The following PCDH15 variants were observed in gnomAD, a reference collection of about 807,000 sequenced individuals.
The protein encoded by PCDH15 is protocadherin-15.
Under a neutral mutation model 178.5 loss-of-function variants are expected in PCDH15, and 129 were observed. The ratio of observed to expected loss-of-function variants is 0.72; its 90% CI spans 0.63 to 0.84. PCDH15 has a LOEUF of 0.84. PCDH15 is among the 40% of genes least tolerant of loss of function. The probability of loss-of-function intolerance (pLI) is 0.00; values close to 1 mark genes in which losing one functional copy is unlikely to be tolerated. For missense variants in PCDH15, 2,230 were observed against 2,099.9 expected (o/e 1.06, Z -1.21); for synonymous variants, 800 against 732.0 (o/e 1.09, Z -1.50).
intron 14 of PCDH15, among the ~76,000 whole-genome samples, chr10:54,150,774 ATT>A (rs1303980605): frequency 6.6e-6 from 1 of 150,494 alleles, no homozygotes; most frequent in Non-Finnish European, 1.5e-5. Context: ...TTGTGTTTTT[ATT>A]TGTTTCTTTT....
rs149942501 is a variant in PCDH15 at position 54,182,187 on chromosome 10, G to A, written c.1590+1257C>T. On this transcript the variant is annotated intron_variant, in intron 13 of 37. Coordinates refer to ENST00000644397, the MANE Select transcript of PCDH15 (RefSeq NM_001384140.1). ...TCACCATATTGCCCAGGCTGGTCTCGAGCTCCTTAGCTCAGGCAATCCGCT... is the reference window on the plus strand; with the variant it reads ...TCACCATATTGCCCAGGCTGGTCTCAAGCTCCTTAGCTCAGGCAATCCGCT... Among the ~76,000 whole-genome samples the A allele has an allele frequency of 1.4e-3, 208 of 152,160 alleles. 5 individuals carry two copies. In the East Asian group the frequency reaches 0.027, roughly 20 times the overall value.
chr10:55,198,192 A>C (rs189515125), intron 1 of PCDH15, among the ~76,000 whole-genome samples: 1 of 152,252 alleles, frequency 6.6e-6, no homozygotes, highest in Non-Finnish European at 1.5e-5. Context: ...TTGCTCTTCA[A>C]TAAACCACTA....
At chr10:54,088,091 T>C (rs2094543490) in intron 16 of PCDH15, among the ~76,000 whole-genome samples, 1 of 152,140 alleles carries the variant, frequency 6.6e-6, no homozygotes. Flanking sequence ...CTCTTTTCAT[T>C]ACAAAATACT....
intron 10 of PCDH15, among the ~76,000 whole-genome samples, chr10:54,207,364 T>TTGTGTG (rs746250247): frequency 2.3e-4 from 20 of 87,588 alleles, no homozygotes; most frequent in African/African-American, 4.5e-4. Context: ...CTGTTTTGTT[T>TTGTGTG]TGTGTGTGTG....
chr10:55,490,851 T>C lies in PCDH15; in HGVS notation c.-156+136774A>G, dbSNP rs141398804. On this transcript the variant is annotated intron_variant, in intron 2 of 5. Coordinates refer to the PCDH15 transcript ENST00000613346. ...AAAATCACGTTAAAGCATGTCATAATGAAGTTGTTATAAGCCAGATAAAAA... is the reference window on the plus strand; with the variant it reads ...AAAATCACGTTAAAGCATGTCATAACGAAGTTGTTATAAGCCAGATAAAAA... 1.2e-3 allele frequency among the ~76,000 whole-genome samples: 185 copies of C among 151,884 alleles called. 2 individuals carry two copies. Among genetic ancestry groups the C allele is most frequent in the African/African-American group, 4.2e-3 (175 of 41,500 alleles).
At chr10:55,186,691 T>A (rs1462289883) in intron 1 of PCDH15, among the ~76,000 whole-genome samples, 2 of 151,808 alleles carry the variant, frequency 1.3e-5, no homozygotes, top group African/African-American at 4.8e-5. Context: ...TGCACAACCA[T>A]GTACATTTAC....
At chr10:54,957,360 G>A (rs1163458216) in intron 2 of PCDH15, among the ~76,000 whole-genome samples, 1 of 151,562 alleles carries the variant, frequency 6.6e-6, no homozygotes, top group Non-Finnish European at 1.5e-5. Context: ...CAGTTTATTT[G>A]AGATTTGGAG....
intron 2 of PCDH15, among the ~76,000 whole-genome samples, chr10:55,326,960 A>G (rs1196240270): frequency 6.6e-6 from 1 of 152,136 alleles, no homozygotes; most frequent in East Asian, 1.9e-4. Flanking sequence ...CTAGACATAG[A>G]CCTTACATAG....
At chr10:54,988,310 G>A (rs185620394) in intron 2 of PCDH15, among the ~76,000 whole-genome samples, 1 of 152,142 alleles carries the variant, frequency 6.6e-6, no homozygotes, top group Admixed American at 6.5e-5. Flanking sequence ...GTAGCATGAT[G>A]CCTCCAGTAG....
intron 3 of PCDH15, among the ~76,000 whole-genome samples, chr10:54,808,374 T>G (rs182274284): frequency 1.3e-5 from 2 of 152,276 alleles, no homozygotes; most frequent in African/African-American, 4.8e-5. Context: ...CAAGCCCACA[T>G]AGAGAGGGAA....
At chr10:53,822,780 CCTT>C (rs1564536804) in intron 32 of PCDH15, 1 of 1,614,050 alleles carries the variant, frequency 6.2e-7, no homozygotes, top group South Asian at 1.1e-5. Flanking sequence ...CTGTTCTGTT[CCTT>C]CTATCATCAG....
rs1000155437 is a variant in PCDH15, at chr10:54,587,787, G to A, written c.92-59910C>T. Among the ~76,000 whole-genome samples, 3 of 152,144 alleles carry A rather than the reference G, an allele frequency of 2.0e-5. No homozygotes were observed. In the South Asian group the frequency reaches 6.2e-4, roughly 32 times the overall value. On this transcript the variant is annotated intron_variant, in intron 2 of 37. Coordinates refer to ENST00000644397, the MANE Select transcript of PCDH15 (RefSeq NM_001384140.1). ...AATGTAATTAAGAGGGAATTGGCCA[G>A]CATATGTGAAAGTATAGCAAACAAA...
chr10:53,900,270 C>A (rs1439745383), intron 26 of PCDH15, among the ~76,000 whole-genome samples: 1 of 150,990 alleles, frequency 6.6e-6, no homozygotes, highest in Non-Finnish European at 1.5e-5. Flanking sequence ...TCCCCTCTTT[C>A]TCTCACTATT....
chr10:54,082,671 T>C (rs990181271), intron 16 of PCDH15, among the ~76,000 whole-genome samples: 3 of 151,960 alleles, frequency 2.0e-5, no homozygotes, highest in Non-Finnish European at 4.4e-5. Context: ...TAAATATTCA[T>C]AATCTTGGAT....
Position 54,297,791 on chromosome 10 carries a change from T to C in PCDH15, c.876+19480A>G, listed in dbSNP as rs141438329. Among the ~76,000 whole-genome samples the C allele has an allele frequency of 2.6e-3, 394 of 152,294 alleles. 1 individual carries two copies. Among genetic ancestry groups the C allele is most frequent in the African/African-American group, 7.1e-3 (296 of 41,562 alleles). The stretch of plus-strand genomic sequence containing the variant: ...TTTTCAGATGATCCTGATAGGTATA[T>C]AGGTGTCCTACAGGGTCTAGGGCAA... On this transcript the variant is annotated intron_variant, in intron 8 of 37. Coordinates refer to ENST00000644397, the MANE Select transcript of PCDH15 (RefSeq NM_001384140.1).
chr10:54,921,809 G>A (rs1228334987), intron 2 of PCDH15, among the ~76,000 whole-genome samples: 2 of 152,094 alleles, frequency 1.3e-5, no homozygotes, highest in African/African-American at 4.8e-5. Context: ...AGTTTTAGTT[G>A]ATGCAAAGTT....
In PCDH15 at chr10:54,423,809, G is replaced by A. The variant is rs150155203; in HGVS notation, c.158-44867C>T. 5.1e-3 allele frequency among the ~76,000 whole-genome samples: 767 copies of A among 151,858 alleles called. 21 individuals are homozygous for A. The highest frequency in any genetic ancestry group is 0.017 in the African/African-American group (690 of 41,264). On this transcript the variant is annotated intron_variant, in intron 3 of 37. Coordinates refer to ENST00000644397, the MANE Select transcript of PCDH15 (RefSeq NM_001384140.1). ...GCTGGGTTGAAAATGTGCTCTAGCCGTATGTAGAAAGCTGAAACTGGATCC... is the reference window on the plus strand; with the variant it reads ...GCTGGGTTGAAAATGTGCTCTAGCCATATGTAGAAAGCTGAAACTGGATCC...
At chr10:53,907,432 T>C (rs1044602420) in intron 25 of PCDH15, among the ~76,000 whole-genome samples, 5 of 152,188 alleles carry the variant, frequency 3.3e-5, no homozygotes, top group African/African-American at 1.2e-4. Flanking sequence ...CCAGTCTCCC[T>C]TCTGGCTCAT....
chr10:54,557,763 A>T (rs2087494301), intron 2 of PCDH15, among the ~76,000 whole-genome samples: 1 of 152,134 alleles, frequency 6.6e-6, no homozygotes. Context: ...TTATTTTATT[A>T]AGAAAATATG....
Sources: gnomAD v4.1 joint callset for allele counts (sites outside exome capture counted in the v4.1 genomes callset) on GRCh38, gnomAD v4.1.1 for gene constraint, MANE v1.5 for transcripts, NCBI Gene and HGNC (gene_info 2026-07-23, HGNC 2026-07-21) for gene names.